TMEM74: variants seen among roughly 807,000 people sequenced by gnomAD.
The protein encoded by TMEM74 is transmembrane protein 74.
TMEM74 carries 13 observed loss-of-function variants against 18.1 expected under a neutral mutation model. That is an observed-to-expected ratio of 0.72 (90% CI 0.47 to 1.14). The LOEUF is 1.14. TMEM74 is among the 50% of genes most tolerant of loss of function. The probability of loss-of-function intolerance (pLI) is 0.00; values close to 1 mark genes in which losing one functional copy is unlikely to be tolerated. For synonymous variants in TMEM74, 159 were observed against 146.6 expected, an observed-to-expected ratio of 1.08 and a Z score of -0.61; for missense variants, 372 against 375.9, an observed-to-expected ratio of 0.99 and a Z score of 0.09.
At chr8:108,729,342 T>A (rs1025138594) in intron 1 of TMEM74, among the ~76,000 whole-genome samples, 8 of 152,212 alleles carry the variant, frequency 5.3e-5, no homozygotes, top group African/African-American at 1.9e-4. Flanking sequence ...TCTTATACTT[T>A]GAATCTCTGA....
chr8:108,642,463 A>C (rs1812675695), intron 2 of TMEM74, among the ~76,000 whole-genome samples: 1 of 152,110 alleles, frequency 6.6e-6, no homozygotes, highest in Non-Finnish European at 1.5e-5. Context: ...AATTGCTTGA[A>C]TGGTCCTAGA....
At chr8:108,699,952 T>C (rs1409262128) in intron 1 of TMEM74, among the ~76,000 whole-genome samples, 1 of 152,228 alleles carries the variant, frequency 6.6e-6, no homozygotes, top group African/African-American at 2.4e-5. Context: ...ACATAGAGAC[T>C]TTTTCTTATG....
chr8:108,671,130 A>G (rs1336131198), intron 1 of TMEM74, among the ~76,000 whole-genome samples: 1 of 152,202 alleles, frequency 6.6e-6, no homozygotes, highest in Non-Finnish European at 1.5e-5. Flanking sequence ...GTTGCAAAAT[A>G]CATCACCTAA....
At chr8:108,704,357 T>C (rs1813370079) in intron 1 of TMEM74, among the ~76,000 whole-genome samples, 2 of 152,214 alleles carry the variant, frequency 1.3e-5, no homozygotes, top group African/African-American at 4.8e-5. Flanking sequence ...TCCTGTTTTA[T>C]AGTGTAGCGA....
At position 108,676,371 on chromosome 8, in the gene TMEM74, T is replaced by C. The variant is rs191470270; in HGVS notation, n.120-20934A>G. On this transcript the variant is annotated intron_variant and non_coding_transcript_variant, in intron 1 of 3. Coordinates refer to the TMEM74 transcript ENST00000518838. ...CTTCATCTCCTATGACTCTGCCTCT[T>C]GCTGCCTTATTTCTGATGCACTGGC... Among the ~76,000 whole-genome samples, 345 of 152,318 alleles carry C rather than the reference T, an allele frequency of 2.3e-3. 1 individual carries two copies. Among genetic ancestry groups the C allele is most frequent in the African/African-American group, 7.4e-3 (306 of 41,564 alleles).
intron 2 of TMEM74, among the ~76,000 whole-genome samples, chr8:108,638,755 T>C (rs1812631993): frequency 1.3e-5 from 2 of 152,160 alleles, no homozygotes; most frequent in Non-Finnish European, 1.5e-5. Context: ...TTTACACTTA[T>C]TGGCATGTGT....
At chr8:108,744,189 G>A (rs1052345010) in intron 1 of TMEM74, among the ~76,000 whole-genome samples, 1 of 152,162 alleles carries the variant, frequency 6.6e-6, no homozygotes, top group Non-Finnish European at 1.5e-5. Flanking sequence ...TCGATCTGAC[G>A]TCACTTCAGA....
chr8:108,740,080 A>T (rs1360171038), intron 1 of TMEM74, among the ~76,000 whole-genome samples: 1 of 152,154 alleles, frequency 6.6e-6, no homozygotes, highest in African/African-American at 2.4e-5. Flanking sequence ...ATGTTCTGCT[A>T]CTTGACATAA....
At chr8:108,640,593 T>C (rs910716894) in intron 2 of TMEM74, among the ~76,000 whole-genome samples, 14 of 152,136 alleles carry the variant, frequency 9.2e-5, no homozygotes, top group Non-Finnish European at 1.5e-5. Flanking sequence ...ACCTTGGATA[T>C]TTACTTATTT....
At position 108,784,833 on chromosome 8, in the gene TMEM74, C is replaced by G. The variant is rs764910275; in HGVS notation, c.266G>C (p.Gly89Ala). The change falls in exon 2 of 2, where the codon GGG (glycine) becomes GCG (alanine). Residue 89 changes from glycine (G) to alanine (A), a missense_variant. Transcript: ENST00000297459. ...DAFPPGLLHS[G>A]NNQITAERKV... ...CCGTTCCGCTGTTATTTGGTTGTTCCCTGAGTGGAGAAGTCCTGGTGGAAA... is the reference window on the plus strand; with the variant it reads ...CCGTTCCGCTGTTATTTGGTTGTTCGCTGAGTGGAGAAGTCCTGGTGGAAA... The G allele has an allele frequency of 6.2e-7, 1 of 1,614,148 alleles. No individual in the cohort carries two copies. The highest frequency in any genetic ancestry group is 8.5e-7 in the Non-Finnish European group (1 of 1,180,036).
At chr8:108,628,881 C>T (rs989953533) in intron 2 of TMEM74, among the ~76,000 whole-genome samples, 1 of 151,980 alleles carries the variant, frequency 6.6e-6, no homozygotes, top group Non-Finnish European at 1.5e-5. Context: ...CTCTAATGAC[C>T]AGTGATGGTG....
chr8:108,731,311 T>C lies in TMEM74; in HGVS notation n.119+56165A>G, dbSNP rs369856490. 2.5e-4 allele frequency among the ~76,000 whole-genome samples: 38 copies of C among 152,158 alleles called. 1 individual carries two copies. The East Asian group carries it at 5.0e-3, about 20-fold the overall frequency. On this transcript the variant is annotated intron_variant and non_coding_transcript_variant, in intron 1 of 3. Coordinates refer to the TMEM74 transcript ENST00000518838. ...TTATCAAAAAAGATGATTAGAAATT[T>C]CTGGGAAAATGTACAATCTTATAAT...
chr8:108,631,533 T>C (rs1812552397), intron 2 of TMEM74, among the ~76,000 whole-genome samples: 1 of 152,092 alleles, frequency 6.6e-6, no homozygotes, highest in South Asian at 2.1e-4. Context: ...TTGAGACTAA[T>C]GGGAAGAAGC....
intron 1 of TMEM74, among the ~76,000 whole-genome samples, chr8:108,766,874 G>T (rs998699023): frequency 6.6e-6 from 1 of 152,150 alleles, no homozygotes; most frequent in African/African-American, 2.4e-5. Context: ...AGCTGAAGAA[G>T]TTGGAGTGTG....
At chr8:108,752,583 G>A (rs1022563942) in intron 1 of TMEM74, among the ~76,000 whole-genome samples, 1 of 152,028 alleles carries the variant, frequency 6.6e-6, no homozygotes, top group Non-Finnish European at 1.5e-5. Flanking sequence ...TCCCAACTGT[G>A]TACCTGTAAA....
chr8:108,664,935 CA>C (rs1333736636), intron 1 of TMEM74, among the ~76,000 whole-genome samples: 4 of 152,060 alleles, frequency 2.6e-5, no homozygotes. Context: ...CCTGACCAAA[CA>C]CAGTCTGCAT....
intron 2 of TMEM74, among the ~76,000 whole-genome samples, chr8:108,611,072 T>A (rs1034388137): frequency 4.6e-5 from 7 of 152,214 alleles, no homozygotes; most frequent in African/African-American, 1.7e-4. Context: ...ATGAATCATT[T>A]AGTCTCTGAA....
chr8:108,762,264 A>G (rs1720517789), intron 1 of TMEM74, among the ~76,000 whole-genome samples: 1 of 152,178 alleles, frequency 6.6e-6, no homozygotes, highest in African/African-American at 2.4e-5. Context: ...CTTTGACATG[A>G]TGGATTCCAG....
intron 2 of TMEM74, among the ~76,000 whole-genome samples, chr8:108,612,092 C>G (rs934687694): frequency 3.3e-5 from 5 of 152,124 alleles, no homozygotes; most frequent in African/African-American, 1.2e-4. Context: ...CCCCATGATT[C>G]AATCACCTCC....
Sources: gnomAD v4.1 joint callset for allele counts (sites outside exome capture counted in the v4.1 genomes callset) on GRCh38, gnomAD v4.1.1 for gene constraint, MANE v1.5 for transcripts, NCBI Gene and HGNC (gene_info 2026-07-23, HGNC 2026-07-21) for gene names.